GALNT7: variants seen among roughly 807,000 people sequenced by gnomAD.
The protein encoded by GALNT7 is N-acetylgalactosaminyltransferase 7.
A neutral mutation model predicts 82.1 loss-of-function variants in GALNT7; 60 were observed. The observed-to-expected ratio is 0.73, with a 90% CI of 0.59 to 0.91. The LOEUF is 0.91. Among genes scored for constraint, GALNT7 ranks in the 40% least tolerant of loss-of-function variants. The probability of loss-of-function intolerance (pLI) is 0.00; values close to 1 mark genes in which losing one functional copy is unlikely to be tolerated. For missense variants in GALNT7, 660 were observed against 804.2 expected (o/e 0.82, Z 2.17); for synonymous variants, 243 against 275.1 (o/e 0.88, Z 1.15).
In GALNT7 at chr4:173,205,785, G is replaced by C. The variant is rs192012860; in HGVS notation, c.126+36824G>C. ...ACCTGGGGTCATAGAGGCTGGCCTGGTGCTGGGTGGCATGGAGCCTATACC... is the reference window on the plus strand; with the variant it reads ...ACCTGGGGTCATAGAGGCTGGCCTGCTGCTGGGTGGCATGGAGCCTATACC... On this transcript the variant is annotated intron_variant, in intron 1 of 11. Coordinates refer to ENST00000265000, the MANE Select transcript of GALNT7 (RefSeq NM_017423.3). Among the ~76,000 whole-genome samples, 442 of 152,264 alleles carry C rather than the reference G, an allele frequency of 2.9e-3. 3 individuals carry two copies. The highest frequency in any genetic ancestry group is 0.01 in the African/African-American group (426 of 41,550).
intron 1 of GALNT7, among the ~76,000 whole-genome samples, chr4:173,232,958 T>C (rs570606395): frequency 3.3e-5 from 5 of 152,328 alleles, no homozygotes; most frequent in Admixed American, 3.3e-4. Context: ...ATCCACTTTT[T>C]TAGCTCTCGC....
chr4:173,178,350 C>T (rs928376730), intron 1 of GALNT7, among the ~76,000 whole-genome samples: 1 of 152,018 alleles, frequency 6.6e-6, no homozygotes, highest in Non-Finnish European at 1.5e-5. Context: ...GTATGCTCAG[C>T]ATTTCAATAC....
At chr4:173,214,995 A>G (rs1345486229) in intron 1 of GALNT7, among the ~76,000 whole-genome samples, 1 of 152,102 alleles carries the variant, frequency 6.6e-6, no homozygotes, top group African/African-American at 2.4e-5. Context: ...TGTGGCTTGG[A>G]CATGTGGACC....
chr4:173,253,729 G>T (rs1734927762), intron 2 of GALNT7, among the ~76,000 whole-genome samples: 1 of 152,152 alleles, frequency 6.6e-6, no homozygotes, highest in Non-Finnish European at 1.5e-5. Context: ...GGTTAGGATA[G>T]AACAGTCCAC....
chr4:173,178,052 T>TGCGC lies in GALNT7; in HGVS notation c.126+9094_126+9097dup, dbSNP rs60869480. Among the ~76,000 whole-genome samples the TGCGC allele has an allele frequency of 7.2e-4, 93 of 129,508 alleles. 1 individual carries two copies. Among genetic ancestry groups the TGCGC allele is most frequent in the South Asian group, 2.6e-3 (10 of 3,834 alleles). The allele number at this position is 129,508 out of a possible 152,430, so 85.0% of individuals were successfully genotyped here. A position where few individuals can be genotyped will look rare whatever the true frequency, so the allele number is the denominator to read the frequency against. On this transcript the variant is annotated intron_variant, in intron 1 of 11. Transcript: ENST00000265000. ...GTGTGTGTGTGTGTGTGTGTGTGTG[T>TGCGC]GCGCGCACGCGCGTGCGCACAGACA...
intron 1 of GALNT7, among the ~76,000 whole-genome samples, chr4:173,207,625 T>G (rs1388325751): frequency 6.6e-6 from 1 of 152,222 alleles, no homozygotes; most frequent in South Asian, 2.1e-4. Context: ...TTTGTGCACC[T>G]TCTTAAATAT....
At chr4:173,277,418 C>G (rs57572680) in intron 2 of GALNT7, among the ~76,000 whole-genome samples, 4,263 of 152,258 alleles carry the variant, frequency 0.028, 171 homozygotes, top group African/African-American at 0.085. Context: ...GCTGTCCAGT[C>G]CTTGCCTGAC....
At chr4:173,173,767 C>T (rs1731953408) in intron 1 of GALNT7, among the ~76,000 whole-genome samples, 1 of 152,162 alleles carries the variant, frequency 6.6e-6, no homozygotes, top group Non-Finnish European at 1.5e-5. Context: ...TTAGTCAAGT[C>T]ATTAATGCCA....
rs139127351 is a variant in GALNT7 at position 173,302,004 on chromosome 4, G to A, written c.1149-43G>A. On this transcript the variant is annotated intron_variant, in intron 6 of 11. Coordinates refer to ENST00000265000, the MANE Select transcript of GALNT7 (RefSeq NM_017423.3). This position sits in a 1 kb window ranked among gnomAD's most constrained non-coding sequence, Gnocchi z 4.2. ...CTTGCCTATTGGTGAAGGGTTATTG[G>A]GGGTTTGTCTGTAATGGTTATTGCA... The A allele has an allele frequency of 1.4e-3, 1,272 of 898,516 alleles. 12 individuals are homozygous for A. In the African/African-American group the frequency reaches 0.017, roughly 12 times the overall value. The allele number at this position is 898,516 out of a possible 1,614,324, so 55.7% of individuals were successfully genotyped here. A position where few individuals can be genotyped will look rare whatever the true frequency, so the allele number is the denominator to read the frequency against.
intron 2 of GALNT7, among the ~76,000 whole-genome samples, chr4:173,291,229 C>T (rs1169624970): frequency 6.6e-6 from 1 of 152,190 alleles, no homozygotes; most frequent in Admixed American, 6.5e-5. Context: ...GAGTCCCCAT[C>T]TGGGTTATAG....
chr4:173,310,324 C>T (rs1737334071), intron 8 of GALNT7, among the ~76,000 whole-genome samples: 1 of 152,204 alleles, frequency 6.6e-6, no homozygotes, highest in Non-Finnish European at 1.5e-5. Context: ...CCCTGTCCCT[C>T]CCCCTTACCA....
chr4:173,218,379 A>G (rs967252107), intron 1 of GALNT7, among the ~76,000 whole-genome samples: 1 of 152,220 alleles, frequency 6.6e-6, no homozygotes, highest in Admixed American at 6.5e-5. Flanking sequence ...CTGAAAAGCT[A>G]AAAAGCTCTT....
chr4:173,297,297 G>C (rs1242040070), intron 5 of GALNT7, among the ~76,000 whole-genome samples: 1 of 150,798 alleles, frequency 6.6e-6, no homozygotes, highest in Non-Finnish European at 1.5e-5. Context: ...GAGTGAGGAA[G>C]ATCAAGTAAA....
In GALNT7 at chr4:173,314,004, A is replaced by T. The variant is rs748806774; in HGVS notation, c.1436A>T (p.Tyr479Phe). Reference sequence around the variant, plus strand: ...GTTTGGTGGGATGAATATAAAGACTACTTCTATGCTAGTCGTCCTGAATCG... The same window carrying T: ...GTTTGGTGGGATGAATATAAAGACTTCTTCTATGCTAGTCGTCCTGAATCG... ...VEVWWDEYKD[Y>F]FYASRPESQA... The change falls in exon 9 of 12, where the codon TAC becomes TTC. Residue 479 changes from tyrosine to phenylalanine, a missense_variant. Tyr to Phe is a conservative substitution (Grantham distance 22). Coordinates refer to ENST00000265000, the MANE Select transcript of GALNT7 (RefSeq NM_017423.3). The T allele has an allele frequency of 8.7e-6, 14 of 1,607,680 alleles. No individual in the cohort carries two copies. The highest frequency in any genetic ancestry group is 1.1e-5 in the Non-Finnish European group (13 of 1,174,474).
At chr4:173,283,866 G>A (rs770516952) in intron 2 of GALNT7, among the ~76,000 whole-genome samples, 8 of 152,110 alleles carry the variant, frequency 5.3e-5, no homozygotes, top group African/African-American at 9.7e-5. Context: ...TTCTTATTGC[G>A]CTGATGCAAA....
chr4:173,201,903 CAA>C (rs1171966034), intron 1 of GALNT7, among the ~76,000 whole-genome samples: 1 of 152,122 alleles, frequency 6.6e-6, no homozygotes, highest in African/African-American at 2.4e-5. Flanking sequence ...GAAAAAGTGA[CAA>C]GTCTTTTTGT....
chr4:173,224,775 G>A (rs1446652212), intron 1 of GALNT7, among the ~76,000 whole-genome samples: 1 of 151,898 alleles, frequency 6.6e-6, no homozygotes, highest in African/African-American at 2.4e-5. Context: ...CACTTTGGGA[G>A]GCCGAGGCGG....
chr4:173,279,660 G>T lies in GALNT7; in HGVS notation c.588-12448G>T, dbSNP rs548384830. Among the ~76,000 whole-genome samples the T allele has an allele frequency of 2.0e-5, 3 of 152,122 alleles. No individual in the cohort carries two copies. In the South Asian group the frequency reaches 6.2e-4, roughly 32 times the overall value. On this transcript the variant is annotated intron_variant, in intron 2 of 11. Transcript: ENST00000265000. ...AGAGGTTTTAGATGAAAGCAGGAAA[G>T]GTCCTCAATTTATTATAAAATAAAA...
chr4:173,321,058 C>G (rs754657796), intron 11 of GALNT7, among the ~76,000 whole-genome samples: 1 of 152,106 alleles, frequency 6.6e-6, no homozygotes, highest in Non-Finnish European at 1.5e-5. Context: ...CTTACAGACC[C>G]AATCCTGGAT....
Sources: allele counts gnomAD v4.1 joint callset (sites outside exome capture counted in the v4.1 genomes callset), GRCh38; gene constraint gnomAD v4.1.1; non-coding constraint Gnocchi (gnomAD v3.1); transcripts MANE v1.5; gene names NCBI Gene and HGNC (gene_info 2026-07-23, HGNC 2026-07-21).